Variants in TP73 observed in about 807,000 individuals in gnomAD.
The protein encoded by TP73 is tumor protein p73, also known as p53-like transcription factor.
TP73 carries 25 observed loss-of-function variants against 62.5 expected under a neutral mutation model. That is an observed-to-expected ratio of 0.40 (90% CI 0.29 to 0.56). The LOEUF (loss-of-function observed/expected upper bound fraction) is 0.56, where lower values mean the gene tolerates loss of function less well. Ranked by LOEUF, TP73 falls within the 20% of genes least tolerant of loss-of-function variation. The probability of loss-of-function intolerance (pLI) is 0.46; values close to 1 mark genes in which losing one functional copy is unlikely to be tolerated. For synonymous variants in TP73, 423 were observed against 377.5 expected, an observed-to-expected ratio of 1.12 and a Z score of -1.40; for missense variants, 754 against 913.3, an observed-to-expected ratio of 0.83 and a Z score of 2.25.
intron 1 of TP73, among the ~76,000 whole-genome samples, chr1:3,679,100 G>T (rs1645445273): frequency 6.6e-6 from 1 of 152,182 alleles, no homozygotes; most frequent in Non-Finnish European, 1.5e-5. Flanking sequence ...GTGCACAGTG[G>T]GTGCCGGTCA....
At chr1:3,654,298 G>A (rs11809948) in intron 1 of TP73, among the ~76,000 whole-genome samples, 22 of 152,272 alleles carry the variant, frequency 1.4e-4, no homozygotes, top group Middle Eastern at 3.4e-3. Flanking sequence ...GTCTATGCGC[G>A]GCGGCCACCA....
At position 3,730,058 on chromosome 1, in the gene TP73, G is replaced by A. The variant is rs912271457; in HGVS notation, c.1255G>A (p.Gly419Arg). ...CCTCTCGCCCATGAACAAGGTGCAC[G>A]GGGGCATGAACAAGCTGCCCTCCGT... The part of the protein sequence containing the change: ...PVLSPMNKVH[G>R]GMNKLPSVNQ... Residue 419 changes from glycine (G) to arginine (R), a missense_variant, in exon 11 of 14, where the codon GGG (glycine) becomes AGG (arginine). Physicochemically the swap from Gly to Arg is moderately radical, Grantham distance 125. This residue lies in a region of TP73 where 458 missense variants were observed against 528.7 expected (regional missense o/e 0.87). Coordinates refer to ENST00000378295, the MANE Select transcript of TP73 (RefSeq NM_005427.4). 4.4e-6 allele frequency: 7 copies of A among 1,607,322 alleles called. No individual in the cohort carries two copies. The highest frequency in any genetic ancestry group is 1.7e-4 in the Middle Eastern group (1 of 6,054).
chr1:3,689,709 G>A (rs944396711), intron 3 of TP73, among the ~76,000 whole-genome samples: 1 of 152,156 alleles, frequency 6.6e-6, no homozygotes, highest in African/African-American at 2.4e-5. Flanking sequence ...GATTTGGCAG[G>A]AAAAGGTTGG....
chr1:3,697,336 G>A (rs1348645633), intron 3 of TP73, among the ~76,000 whole-genome samples: 5 of 152,198 alleles, frequency 3.3e-5, no homozygotes, highest in Admixed American at 6.5e-5. Flanking sequence ...CTATCCCCCT[G>A]GGCTCCGTCT....
Position 3,733,086 on chromosome 1 carries a change from C to T in TP73, c.*7C>T, listed in dbSNP as rs1370346644. 4.6e-6 allele frequency: 7 copies of T among 1,524,778 alleles called. No homozygotes were observed. The highest frequency in any genetic ancestry group is 2.5e-5 in the East Asian group (1 of 40,652). The allele number at this position is 1,524,778 out of a possible 1,614,324, so 94.5% of individuals were successfully genotyped here. On this transcript the variant is annotated 3_prime_UTR_variant, in exon 14 of 14. Coordinates refer to ENST00000378295, the MANE Select transcript of TP73 (RefSeq NM_005427.4). ...GGAGGCCGAGATCCACTGAGGGCCT[C>T]GCCTGGCTGCAGCCTGCGCCACCGC...
At chr1:3,724,694 A>G (rs1292122009) in intron 6 of TP73, among the ~76,000 whole-genome samples, 2 of 152,228 alleles carry the variant, frequency 1.3e-5, no homozygotes, top group African/African-American at 2.4e-5. Context: ...AACTGCCCAC[A>G]TTGTGGTCTG....
chr1:3,710,040 C>T (rs554743152), intron 4 of TP73, among the ~76,000 whole-genome samples: 24 of 152,244 alleles, frequency 1.6e-4, no homozygotes, highest in South Asian at 1.2e-3. Flanking sequence ...TCCTGCAGGA[C>T]GGGGTGGCCT....
chr1:3,681,743 C>T lies in TP73; in HGVS notation c.-33-590C>T, dbSNP rs375962708. Among the ~76,000 whole-genome samples the T allele has an allele frequency of 1.1e-3, 169 of 152,224 alleles. 3 individuals are homozygous for T. In the South Asian group the frequency reaches 0.025, roughly 23 times the overall value. The stretch of plus-strand genomic sequence containing the variant: ...CAGCCTCCAGCGCAGCCCTCACACA[C>T]GCTGTTCCCAAGATGGGGTGACCGG... On this transcript the variant is annotated intron_variant, in intron 1 of 13. Transcript: ENST00000378295.
chr1:3,718,721 C>T (rs1427795551), intron 4 of TP73, among the ~76,000 whole-genome samples: 6 of 152,160 alleles, frequency 3.9e-5, no homozygotes, highest in Non-Finnish European at 5.9e-5. Context: ...GGAGCCCAGG[C>T]GGCCTCCCCT....
chr1:3,698,973 G>A (rs1418845162), intron 3 of TP73, among the ~76,000 whole-genome samples: 1 of 152,192 alleles, frequency 6.6e-6, no homozygotes, highest in Admixed American at 6.5e-5. Flanking sequence ...TGTGAGGTGT[G>A]GAAAGTTCCA....
chr1:3,723,515 ACGGGTCGGGGGAGGGGT>A, intron 6 of TP73, 46 bp downstream of exon 6: 2 of 720,532 alleles, frequency 2.8e-6, no homozygotes, highest in Non-Finnish European at 4.9e-6. Context: ...AGTCAGCTGT[ACGGGTCGGGGGAGGGGT>A]CCCCTGAGGC....
intron 10 of TP73, 90 bp downstream of exon 10, chr1:3,729,538 AG>A (rs1641959951): frequency 6.3e-7 from 1 of 1,595,736 alleles, no homozygotes; most frequent in Non-Finnish European, 8.5e-7. Flanking sequence ...AAACCCCTCC[AG>A]AAGGCATCAT....
chr1:3,722,329 C>T lies in TP73; in HGVS notation c.616+122C>T, dbSNP rs544138845. 4.2e-4 allele frequency: 521 copies of T among 1,237,544 alleles called. 4 individuals carry two copies. The South Asian group carries it at 6.7e-3, about 16-fold the overall frequency. The allele number at this position is 1,237,544 out of a possible 1,614,324, so 76.7% of individuals were successfully genotyped here. Reference sequence around the variant, plus strand: ...CAGCATGGGCTTAGCCATTCCCCTGCGGAGGGCTTTCAGTGCCTCCACCAG... The same window carrying T: ...CAGCATGGGCTTAGCCATTCCCCTGTGGAGGGCTTTCAGTGCCTCCACCAG... On this transcript the variant is annotated intron_variant, in intron 5 of 13. Coordinates refer to ENST00000378295, the MANE Select transcript of TP73 (RefSeq NM_005427.4).
At chr1:3,706,991 A>G (rs1255507003) in intron 3 of TP73, among the ~76,000 whole-genome samples, 1 of 151,894 alleles carries the variant, frequency 6.6e-6, no homozygotes, top group Non-Finnish European at 1.5e-5. Flanking sequence ...GCCATTGAAC[A>G]GCAGTTCCAC....
At chr1:3,710,533 G>A (rs1043446575) in intron 4 of TP73, among the ~76,000 whole-genome samples, 2 of 152,158 alleles carry the variant, frequency 1.3e-5, no homozygotes, top group African/African-American at 2.4e-5. Context: ...CTCCCGGCAC[G>A]CCAGCCGGCT....
At chr1:3,707,898 C>T in intron 4 of TP73, 107 bp downstream of exon 4, 1 of 1,474,774 alleles carries the variant, frequency 6.8e-7, no homozygotes, top group Non-Finnish European at 9.0e-7. Context: ...CCACTGTCTG[C>T]TCGGGGTTCC....
chr1:3,696,646 G>C lies in TP73; in HGVS notation c.187-10903G>C, dbSNP rs1486102585. 1.3e-5 allele frequency among the ~76,000 whole-genome samples: 2 copies of C among 152,086 alleles called. No homozygotes were observed. Among genetic ancestry groups the C allele is most frequent in the African/African-American group, 4.8e-5 (2 of 41,394 alleles). On this transcript the variant is annotated intron_variant, in intron 3 of 13. Transcript: ENST00000378295. The surrounding 1 kb of genome is among the most constrained non-coding windows in gnomAD (Gnocchi z 4.1). The stretch of plus-strand genomic sequence containing the variant: ...ACTGGGGCTTGGCAACCCAGAGGCT[G>C]CTGAGTTCCCACGGTTTGGAGAGGG...
Position 3,729,004 on chromosome 1 carries a change from G to C in TP73, c.1075-323G>C, listed in dbSNP as rs866476040. Among the ~76,000 whole-genome samples, 3 of 152,002 alleles carry C rather than the reference G, an allele frequency of 2.0e-5. No individual in the cohort carries two copies. In the South Asian group the frequency reaches 6.2e-4, roughly 32 times the overall value. Reference sequence around the variant, plus strand: ...CGCTGTCGAAAGAAAGAGAGAGAGAGAGACAGAGAGACAGAGAGAGACAGA... The same window carrying C: ...CGCTGTCGAAAGAAAGAGAGAGAGACAGACAGAGAGACAGAGAGAGACAGA... On this transcript the variant is annotated intron_variant, in intron 9 of 13. Transcript: ENST00000378295.
chr1:3,680,287 G>A (rs1447970899), intron 1 of TP73, among the ~76,000 whole-genome samples: 1 of 152,162 alleles, frequency 6.6e-6, no homozygotes, highest in African/African-American at 2.4e-5. Flanking sequence ...CACATCTCCT[G>A]TGCCCGGCCC....
Sources: gnomAD v4.1 joint callset for allele counts (sites outside exome capture counted in the v4.1 genomes callset) on GRCh38, gnomAD v4.1.1 for gene constraint, gnomAD v4.1.1 regional missense constraint, Gnocchi (gnomAD v3.1) non-coding constraint, MANE v1.5 for transcripts, NCBI Gene and HGNC (gene_info 2026-07-23, HGNC 2026-07-21) for gene names.